Variants in C8orf34 observed in about 807,000 individuals in gnomAD.
C8orf34 encodes uncharacterized protein C8orf34.
Under a neutral mutation model 68.3 loss-of-function variants are expected in C8orf34, and 65 were observed. The ratio of observed to expected loss-of-function variants is 0.95; its 90% CI spans 0.78 to 1.17. The LOEUF (loss-of-function observed/expected upper bound fraction) is 1.17, where lower values mean the gene tolerates loss of function less well. C8orf34 is among the 50% of genes most tolerant of loss of function. C8orf34 has a pLI of 0.00. For synonymous variants in C8orf34, 244 were observed against 241.2 expected (o/e 1.01, Z -0.11); for missense variants, 664 against 655.4 (o/e 1.01, Z -0.14).
intron 5 of C8orf34, among the ~76,000 whole-genome samples, chr8:68,489,997 T>C (rs1813242968): frequency 6.6e-6 from 1 of 152,216 alleles, no homozygotes; most frequent in Non-Finnish European, 1.5e-5. Context: ...CAGAACTCCA[T>C]GTTGACCATA....
chr8:68,520,049 G>A (rs1867636), intron 5 of C8orf34, among the ~76,000 whole-genome samples: 37,634 of 152,078 alleles, frequency 0.25, 8,148 homozygotes, highest in African/African-American at 0.59. Context: ...CCTTCTGATT[G>A]TTTGAAAACA....
intron 10 of C8orf34, among the ~76,000 whole-genome samples, chr8:68,736,863 T>A (rs945760644): frequency 6.6e-6 from 1 of 152,102 alleles, no homozygotes; most frequent in African/African-American, 2.4e-5. Context: ...AGGTCCTGTG[T>A]CTTAGGTACC....
chr8:68,734,653 T>A (rs1822073985), intron 10 of C8orf34, among the ~76,000 whole-genome samples: 1 of 152,220 alleles, frequency 6.6e-6, no homozygotes, highest in Admixed American at 6.5e-5. Context: ...ATCACCACTG[T>A]TTCTCCTAGT....
chr8:68,368,361 C>T (rs1434144911), intron 1 of C8orf34, among the ~76,000 whole-genome samples: 1 of 152,068 alleles, frequency 6.6e-6, no homozygotes, highest in Middle Eastern at 3.2e-3. Context: ...GTTGCTATAG[C>T]TTTTATTTCC....
chr8:68,678,805 C>A (rs1820272423), intron 8 of C8orf34, among the ~76,000 whole-genome samples: 1 of 150,494 alleles, frequency 6.6e-6, no homozygotes, highest in Non-Finnish European at 1.5e-5. Flanking sequence ...GTTAAATTAT[C>A]CTTTTTTGCT....
At chr8:68,467,538 C>A (rs1351670228) in intron 3 of C8orf34, among the ~76,000 whole-genome samples, 1 of 151,904 alleles carries the variant, frequency 6.6e-6, no homozygotes, top group African/African-American at 2.4e-5. Context: ...TCTCAACTGC[C>A]TTTTGAGACT....
chr8:68,480,747 C>T (rs1009992121), intron 4 of C8orf34, among the ~76,000 whole-genome samples: 1 of 152,150 alleles, frequency 6.6e-6, no homozygotes, highest in South Asian at 2.1e-4. Context: ...ATTTGTGGAA[C>T]TTTGAACTTG....
chr8:68,770,159 T>C (rs2129528329), intron 10 of C8orf34, among the ~76,000 whole-genome samples: 1 of 152,322 alleles, frequency 6.6e-6, no homozygotes, highest in South Asian at 2.1e-4. Context: ...GCCAAAATCT[T>C]TCAAGTTTTT....
At chr8:68,636,785 C>T (rs1818859345) in intron 7 of C8orf34, among the ~76,000 whole-genome samples, 1 of 152,142 alleles carries the variant, frequency 6.6e-6, no homozygotes, top group African/African-American at 2.4e-5. Context: ...TTGCAATCAT[C>T]TGCTGAGAGA....
At chr8:68,653,286 T>G (rs1470375854) in intron 8 of C8orf34, among the ~76,000 whole-genome samples, 3 of 152,208 alleles carry the variant, frequency 2.0e-5, no homozygotes, top group Admixed American at 1.3e-4. Context: ...CACCAATGAT[T>G]TGTAGCCAAG....
At position 68,773,092 on chromosome 8, in the gene C8orf34, A is replaced by C. The variant is rs1329275997; in HGVS notation, c.1405-3307A>C. On this transcript the variant is annotated intron_variant, in intron 10 of 13. Coordinates refer to ENST00000518698, the MANE Select transcript of C8orf34 (RefSeq NM_052958.4). ...TTGATATTTAAAATGCCAATTCTTT[A>C]AAATTAAGAAAAGGACATCTGAAAC... Among the ~76,000 whole-genome samples, 3 of 152,080 alleles carry C rather than the reference A, an allele frequency of 2.0e-5. No homozygotes were observed. The East Asian group carries it at 5.8e-4, about 29-fold the overall frequency.
intron 5 of C8orf34, among the ~76,000 whole-genome samples, chr8:68,506,674 T>G (rs1339116478): frequency 6.6e-6 from 1 of 152,252 alleles, no homozygotes; most frequent in Non-Finnish European, 1.5e-5. Context: ...CATCACTTTT[T>G]AAATAGTGCC....
chr8:68,779,499 A>G (rs903765258), intron 11 of C8orf34, among the ~76,000 whole-genome samples: 1 of 152,128 alleles, frequency 6.6e-6, no homozygotes, highest in Non-Finnish European at 1.5e-5. Flanking sequence ...TTAGGGTGTC[A>G]AACAGAATTA....
chr8:68,717,317 C>A (rs1307176560), intron 9 of C8orf34, among the ~76,000 whole-genome samples: 1 of 152,024 alleles, frequency 6.6e-6, no homozygotes, highest in Non-Finnish European at 1.5e-5. Context: ...GGTTAGGATT[C>A]CTGGTTTTTC....
chr8:68,808,240 T>G (rs529577349), intron 12 of C8orf34, among the ~76,000 whole-genome samples: 7 of 152,372 alleles, frequency 4.6e-5, no homozygotes, highest in Non-Finnish European at 8.8e-5. Context: ...AAATGCTTTA[T>G]CCAAATAATT....
At chr8:68,751,088 C>T (rs947832216) in intron 10 of C8orf34, among the ~76,000 whole-genome samples, 1 of 152,090 alleles carries the variant, frequency 6.6e-6, no homozygotes, top group Non-Finnish European at 1.5e-5. Context: ...GCATTATTAT[C>T]AAAGAAGGCA....
chr8:68,586,645 A>T (rs903458666), intron 7 of C8orf34, among the ~76,000 whole-genome samples: 1 of 152,182 alleles, frequency 6.6e-6, no homozygotes, highest in Non-Finnish European at 1.5e-5. Flanking sequence ...AAATGTGACT[A>T]TAAGATACAG....
intron 12 of C8orf34, among the ~76,000 whole-genome samples, chr8:68,795,884 T>C (rs1212578262): frequency 6.6e-6 from 1 of 152,208 alleles, no homozygotes; most frequent in Admixed American, 6.5e-5. Context: ...AACCCTACTG[T>C]CCCTGATTGT....
intron 7 of C8orf34, among the ~76,000 whole-genome samples, chr8:68,558,234 G>A (rs1443440687): frequency 1.3e-5 from 2 of 152,228 alleles, no homozygotes; most frequent in Non-Finnish European, 2.9e-5. Flanking sequence ...GGTCTATTAG[G>A]CAGTGAAGCT....
Sources: allele counts gnomAD v4.1 joint callset (sites outside exome capture counted in the v4.1 genomes callset), GRCh38; gene constraint gnomAD v4.1.1; transcripts MANE v1.5; gene names NCBI Gene and HGNC (gene_info 2026-07-23, HGNC 2026-07-21).